IQANK1: variants seen among roughly 807,000 people sequenced by gnomAD.
The protein encoded by IQANK1 is IQ motif and ankyrin repeat domain-containing protein 1.
Under a neutral mutation model 22.6 loss-of-function variants are expected in IQANK1, and 30 were observed. The observed-to-expected ratio is 1.33, with a 90% confidence interval of 0.99 to 1.80. IQANK1 has a LOEUF of 1.80. IQANK1 is among the 40% of genes most tolerant of loss of function. IQANK1 has a pLI of 0.00. For synonymous variants in IQANK1, 122 were observed against 99.6 expected (o/e 1.23, Z -1.34); for missense variants, 275 against 235.2 (o/e 1.17, Z -1.11).
At chr8:143,763,491 GGT>G (rs1160033338) in intron 3 of IQANK1, among the ~76,000 whole-genome samples, 2 of 152,164 alleles carry the variant, frequency 1.3e-5, no homozygotes, top group Admixed American at 6.6e-5. Context: ...CCTGGTGGGA[GGT>G]GTTTGGATCA....
In IQANK1 at chr8:143,771,644, G is replaced by T. The variant is rs7840691; in HGVS notation, c.306+26G>T. 98,066 of 399,542 alleles carry T rather than the reference G, an allele frequency of 0.25. 13,362 individuals carry two copies. The highest frequency in any genetic ancestry group is 0.49 in the East Asian group (13,656 of 28,006). The allele number at this position is 399,542 out of a possible 1,614,324, so 24.7% of individuals were successfully genotyped here. ...GTGAGGACGGGCAGCCGCAACAGCC[G>T]GGGGCCAGGCAGGAGGCAGGGGGAG... On this transcript the variant is annotated intron_variant, in intron 4 of 13. Coordinates refer to ENST00000527139, the MANE Select transcript of IQANK1 (RefSeq NM_001381874.1). The surrounding 1 kb of genome is among the most constrained non-coding windows in gnomAD (Gnocchi z 6.0).
chr8:143,739,944 C>T lies in IQANK1; in HGVS notation c.171C>T (p.Pro57=), dbSNP rs1818857609. ...EPASAESPQA[P]TGPAEDRAAR... ...CGTCGGCTGAGAGCCCACAGGCCCC[C>T]ACAGGTGAGAGCCCGCACGTCCCGC... is the stretch of plus-strand genomic sequence containing the variant. The change falls in exon 3 of 14, where the codon CCC becomes CCT. Residue 57 remains proline (P), a synonymous_variant. Transcript: ENST00000527139. The T allele has an allele frequency of 1.4e-6, 1 of 696,062 alleles. No homozygotes were observed. Among genetic ancestry groups the T allele is most frequent in the African/African-American group, 1.8e-5 (1 of 57,056 alleles). The allele number at this position is 696,062 out of a possible 1,614,324, so 43.1% of individuals were successfully genotyped here. A position where few individuals can be genotyped will look rare whatever the true frequency, so the allele number is the denominator to read the frequency against.
intron 7 of IQANK1, among the ~76,000 whole-genome samples, chr8:143,782,155 A>G (rs1819807211): frequency 6.6e-6 from 1 of 152,086 alleles, no homozygotes. Flanking sequence ...ATTTTTGTAC[A>G]TTTATTTTGT....
At chr8:143,749,182 TA>T (rs1238298031) in intron 3 of IQANK1, among the ~76,000 whole-genome samples, 3 of 123,408 alleles carry the variant, frequency 2.4e-5, no homozygotes, top group East Asian at 4.8e-4. Context: ...ATATAATATA[TA>T]AATATATATC....
intron 3 of IQANK1, among the ~76,000 whole-genome samples, chr8:143,748,848 AATAT>A (rs551168678): frequency 1.9e-5 from 2 of 106,468 alleles, no homozygotes; most frequent in African/African-American, 4.1e-5. Context: ...TAAATATATA[AATAT>A]ATATATCATA....
At chr8:143,744,030 C>G (rs1818978817) in intron 3 of IQANK1, 1 of 309,358 alleles carries the variant, frequency 3.2e-6, no homozygotes, top group African/African-American at 2.3e-5. Context: ...GACAGGGTTT[C>G]ACCATGTTGG....
chr8:143,748,682 AT>A (rs1287532304), intron 3 of IQANK1, among the ~76,000 whole-genome samples: 1 of 95,418 alleles, frequency 1.0e-5, no homozygotes, highest in Non-Finnish European at 1.6e-5. Context: ...ATAAATATAT[AT>A]CATATATATC....
intron 3 of IQANK1, among the ~76,000 whole-genome samples, chr8:143,756,145 T>G (rs1208801041): frequency 6.6e-6 from 1 of 152,188 alleles, no homozygotes; most frequent in Non-Finnish European, 1.5e-5. Flanking sequence ...CAGATATGCT[T>G]CTTACCAGTC....
intron 7 of IQANK1, among the ~76,000 whole-genome samples, chr8:143,785,805 C>T (rs1429917917): frequency 6.6e-6 from 1 of 151,784 alleles, no homozygotes; most frequent in Non-Finnish European, 1.5e-5. Context: ...CAGCTCACTG[C>T]AACCTCCACC....
At chr8:143,739,767 C>G (rs1554626171) in intron 2 of IQANK1, 92 bp from the exon 3 acceptor site, 1 of 595,988 alleles carries the variant, frequency 1.7e-6, no homozygotes, top group Non-Finnish European at 3.0e-6. Flanking sequence ...TGCCAGGACG[C>G]ACGGCCCTTT....
At chr8:143,788,304 C>A (rs1459361122) in intron 7 of IQANK1, among the ~76,000 whole-genome samples, 2 of 152,242 alleles carry the variant, frequency 1.3e-5, no homozygotes, top group Non-Finnish European at 2.9e-5. Context: ...GTGACCCCCT[C>A]CAAGCATCAC....
chr8:143,757,260 C>G (rs546409174), intron 3 of IQANK1, among the ~76,000 whole-genome samples: 1 of 152,092 alleles, frequency 6.6e-6, no homozygotes, highest in East Asian at 1.9e-4. Context: ...GCTCCAGGGT[C>G]GCCTTTGAAA....
intron 7 of IQANK1, 97 bp from the exon 8 acceptor site, chr8:143,788,818 G>C (rs2129960468): frequency 1.0e-5 from 4 of 398,174 alleles, no homozygotes; most frequent in Non-Finnish European, 8.9e-6. Flanking sequence ...CTGCATAATG[G>C]CACCCTTTCT....
chr8:143,786,446 A>G (rs1368384129), intron 7 of IQANK1, among the ~76,000 whole-genome samples: 1 of 152,226 alleles, frequency 6.6e-6, no homozygotes, highest in African/African-American at 2.4e-5. Flanking sequence ...ACAAATATAG[A>G]CAGAATCATT....
chr8:143,736,329 G>A (rs1818738394), intron 2 of IQANK1, among the ~76,000 whole-genome samples: 1 of 152,068 alleles, frequency 6.6e-6, no homozygotes, highest in African/African-American at 2.4e-5. Context: ...TGTTTTAGTA[G>A]AGACGGGGTT....
chr8:143,789,673 G>A, intron 10 of IQANK1, 88 bp from the exon 11 acceptor site: 2 of 1,208,488 alleles, frequency 1.7e-6, no homozygotes, highest in Admixed American at 8.4e-5. Context: ...GCCTGCTTGG[G>A]GTGGGGTGGG....
At chr8:143,737,305 GGCCTTCGCCCT>G (rs1161579254) in intron 2 of IQANK1, among the ~76,000 whole-genome samples, 3 of 152,208 alleles carry the variant, frequency 2.0e-5, no homozygotes, top group Non-Finnish European at 4.4e-5. Context: ...TGCACACCCA[GGCCTTCGCCCT>G]GCACCGCAGC....
intron 7 of IQANK1, among the ~76,000 whole-genome samples, chr8:143,779,096 AAATT>A (rs533278372): frequency 2.6e-4 from 40 of 152,278 alleles, no homozygotes; most frequent in African/African-American, 9.4e-4. Flanking sequence ...ACTTATAAAT[AAATT>A]TATAAGCTTA....
intron 7 of IQANK1, among the ~76,000 whole-genome samples, chr8:143,776,578 G>C (rs11986380): frequency 0.04 from 6,052 of 152,102 alleles, 369 homozygotes; most frequent in African/African-American, 0.13. Flanking sequence ...AAGGGGGAAC[G>C]TAGACAGAGC....
Sources: allele counts gnomAD v4.1 joint callset (sites outside exome capture counted in the v4.1 genomes callset), GRCh38; gene constraint gnomAD v4.1.1; non-coding constraint Gnocchi (gnomAD v3.1); transcripts MANE v1.5; gene names NCBI Gene and HGNC (gene_info 2026-07-23, HGNC 2026-07-21).